Variants in RALYL observed in about 807,000 individuals in gnomAD.
RALYL encodes the protein RNA-binding Raly-like protein.
A neutral mutation model predicts 35.1 loss-of-function variants in RALYL; 29 were observed. The ratio of observed to expected loss-of-function variants is 0.83; its 90% CI spans 0.61 to 1.13. The LOEUF is 1.13. RALYL is among the 50% of genes most tolerant of loss of function. The pLI is 0.00. For synonymous variants in RALYL, 120 were observed against 127.6 expected, an observed-to-expected ratio of 0.94 and a Z score of 0.40; for missense variants, 359 against 360.4, an observed-to-expected ratio of 1.00 and a Z score of 0.03.
intron 1 of RALYL, among the ~76,000 whole-genome samples, chr8:84,240,661 G>A (rs1336138159): frequency 6.6e-6 from 1 of 152,144 alleles, no homozygotes; most frequent in African/African-American, 2.4e-5. Flanking sequence ...AGTTCTCATG[G>A]AAAGACCAAC....
intron 3 of RALYL, among the ~76,000 whole-genome samples, chr8:84,794,836 T>C (rs1821550606): frequency 6.6e-6 from 1 of 152,198 alleles, no homozygotes; most frequent in African/African-American, 2.4e-5. Context: ...CTACAGTTCA[T>C]TCCTCCCTGT....
intron 1 of RALYL, among the ~76,000 whole-genome samples, chr8:84,361,614 T>A (rs1189769734): frequency 6.6e-6 from 1 of 152,166 alleles, no homozygotes; most frequent in Non-Finnish European, 1.5e-5. Flanking sequence ...GTGATGTAAT[T>A]CTTCGCCAGG....
At chr8:84,535,723 C>G (rs1023688944) in intron 2 of RALYL, among the ~76,000 whole-genome samples, 1 of 151,590 alleles carries the variant, frequency 6.6e-6, no homozygotes, top group Non-Finnish European at 1.5e-5. Flanking sequence ...ATCCGCCCAC[C>G]TCGGCCTCCC....
intron 1 of RALYL, among the ~76,000 whole-genome samples, chr8:84,197,106 A>G (rs1258326169): frequency 1.3e-5 from 2 of 152,214 alleles, no homozygotes; most frequent in African/African-American, 2.4e-5. Flanking sequence ...TTAAAAACAG[A>G]ATGATATACT....
intron 6 of RALYL, among the ~76,000 whole-genome samples, chr8:84,867,758 C>T (rs1212825681): frequency 6.6e-6 from 1 of 152,108 alleles, no homozygotes; most frequent in Admixed American, 6.6e-5. Context: ...ACTAATTTAT[C>T]TTTTTTCTTT....
At chr8:84,519,837 T>A (rs528920457) in intron 1 of RALYL, among the ~76,000 whole-genome samples, 2 of 152,300 alleles carry the variant, frequency 1.3e-5, no homozygotes, top group South Asian at 4.1e-4. Context: ...CAGTAAGGGA[T>A]CTTTCCAAAT....
At chr8:84,364,534 A>G (rs1853787224) in intron 1 of RALYL, among the ~76,000 whole-genome samples, 1 of 94,510 alleles carries the variant, frequency 1.1e-5, no homozygotes, top group Non-Finnish European at 2.1e-5. Context: ...ACCTAAAATT[A>G]TAAAATATAA....
chr8:84,756,521 C>T (rs996752984), intron 2 of RALYL, among the ~76,000 whole-genome samples: 4 of 152,064 alleles, frequency 2.6e-5, no homozygotes, highest in African/African-American at 9.7e-5. Context: ...ATATTGATGA[C>T]TTAGTGCCAT....
At chr8:84,408,073 T>TA (rs376340744) in intron 1 of RALYL, among the ~76,000 whole-genome samples, 7 of 151,926 alleles carry the variant, frequency 4.6e-5, no homozygotes, top group Admixed American at 1.3e-4. Context: ...TTATTTTACT[T>TA]AAAAAAAAGT....
intron 2 of RALYL, among the ~76,000 whole-genome samples, chr8:84,642,711 T>C (rs1405106190): frequency 6.6e-6 from 1 of 152,032 alleles, no homozygotes; most frequent in East Asian, 1.9e-4. Flanking sequence ...CCTTCAGGGC[T>C]GGTGTCCCTG....
chr8:84,230,488 G>A (rs1825075427), intron 1 of RALYL, among the ~76,000 whole-genome samples: 1 of 152,028 alleles, frequency 6.6e-6, no homozygotes, highest in South Asian at 2.1e-4. Context: ...TGAATAATGT[G>A]AACAGGAGCA....
At chr8:84,487,541 T>C (rs531180970) in intron 1 of RALYL, among the ~76,000 whole-genome samples, 1 of 152,228 alleles carries the variant, frequency 6.6e-6, no homozygotes, top group South Asian at 2.1e-4. Context: ...TTTAAATATA[T>C]GATAGGGGTC....
At chr8:84,520,912 G>A (rs1039772488) in intron 1 of RALYL, among the ~76,000 whole-genome samples, 3 of 152,062 alleles carry the variant, frequency 2.0e-5, no homozygotes, top group East Asian at 1.9e-4. Context: ...TGGTTTACAC[G>A]AGCCCTCACA....
At chr8:84,246,787 G>A (rs938115285) in intron 1 of RALYL, among the ~76,000 whole-genome samples, 1 of 152,132 alleles carries the variant, frequency 6.6e-6, no homozygotes, top group African/African-American at 2.4e-5. Context: ...TGGATGTGGA[G>A]GAGGAGAGAC....
intron 2 of RALYL, among the ~76,000 whole-genome samples, chr8:84,680,918 C>G (rs576202367): frequency 1.3e-5 from 2 of 151,940 alleles, no homozygotes; most frequent in African/African-American, 2.4e-5. Context: ...GACATGAAGT[C>G]CTTGCCCATT....
intron 5 of RALYL, 132 bp downstream of exon 5, chr8:84,850,159 A>T: frequency 2.2e-6 from 1 of 458,244 alleles, no homozygotes; most frequent in Non-Finnish European, 3.8e-6. Flanking sequence ...AAAATACTAA[A>T]TCCCAACAAA....
At chr8:84,268,534 T>G (rs925391672) in intron 1 of RALYL, among the ~76,000 whole-genome samples, 10 of 152,212 alleles carry the variant, frequency 6.6e-5, no homozygotes, top group South Asian at 2.1e-4. Flanking sequence ...ATTGTGTAGT[T>G]TATTGTATTA....
chr8:84,649,664 T>C, intron 2 of RALYL, among the ~76,000 whole-genome samples: 1 of 152,234 alleles, frequency 6.6e-6, no homozygotes, highest in African/African-American at 2.4e-5. Context: ...ACCAGTACCA[T>C]GCTGTTTTGG....
chr8:84,555,760 A>G (rs1209351405), intron 2 of RALYL, among the ~76,000 whole-genome samples: 1 of 152,266 alleles, frequency 6.6e-6, no homozygotes, highest in Non-Finnish European at 1.5e-5. Context: ...TCTCCCAAGT[A>G]TATGATAATC....
Sources: allele counts gnomAD v4.1 joint callset (sites outside exome capture counted in the v4.1 genomes callset), GRCh38; gene constraint gnomAD v4.1.1; transcripts MANE v1.5; gene names NCBI Gene and HGNC (gene_info 2026-07-23, HGNC 2026-07-21).